Variants in ZBTB46 observed in about 807,000 individuals in gnomAD.
The protein encoded by ZBTB46 is zinc finger and BTB domain-containing protein 46.
A neutral mutation model predicts 44.1 loss-of-function variants in ZBTB46; 8 were observed. The observed-to-expected ratio is 0.18, with a 90% confidence interval of 0.11 to 0.33. The LOEUF is 0.33. Ranked by LOEUF, ZBTB46 falls within the 10% of genes least tolerant of loss-of-function variation. The pLI is 1.00. For missense variants in ZBTB46, 651 were observed against 847.7 expected (o/e 0.77, Z 2.88); for synonymous variants, 409 against 382.3 (o/e 1.07, Z -0.81).
At chr20:63,831,399 CGCCCCGGGCCCCGCCCACGCCGGCCCG>C (rs1310836722), upstream of ZBTB46, among the ~76,000 whole-genome samples, 1 of 142,860 alleles carries the variant, frequency 7.0e-6, no homozygotes, top group Non-Finnish European at 1.6e-5. Context: ...CCGCGGCCAC[CGCCCCGGGCCCCGCCCACGCCGGCCCG>C]GCCGCCGGCC....
rs13045067 is a variant in ZBTB46 at position 63,788,021 on chromosome 20, C to G, written c.937+1800G>C. The G allele has an allele frequency of 8.4e-3, 1,284 of 152,468 alleles. 15 individuals are homozygous for G. The highest frequency in any genetic ancestry group is 0.014 in the Non-Finnish European group (921 of 68,104). The allele number at this position is 152,468 out of a possible 1,614,324, so 9.4% of individuals were successfully genotyped here. A position where few individuals can be genotyped will look rare whatever the true frequency, so the allele number is the denominator to read the frequency against. The stretch of plus-strand genomic sequence containing the variant: ...CCTGCGGCTTGCTGTCTTTCGTCCT[C>G]CTCTGTCCACTCACGCCCTCCCACG... On this transcript the variant is annotated intron_variant, in intron 2 of 4. Transcript: ENST00000245663.
At chr20:63,809,384 C>T (rs6011139) in intron 1 of ZBTB46, among the ~76,000 whole-genome samples, 27,029 of 152,114 alleles carry the variant, frequency 0.18, 2,936 homozygotes, top group East Asian at 0.45. Context: ...CATATTATGC[C>T]CAAGGGAGCA....
rs1461100904 is a variant in ZBTB46 at position 63,793,504 on chromosome 20, G to A, written c.-33-2714C>T. Among the ~76,000 whole-genome samples, 5 of 152,158 alleles carry A rather than the reference G, an allele frequency of 3.3e-5. No homozygotes were observed. The East Asian group carries it at 7.7e-4, about 23-fold the overall frequency. ...GGCTCCGGGCCACGTGATGGGAACC[G>A]TCAAAAGCTCCAGGCACCCTGTATC... On this transcript the variant is annotated intron_variant, in intron 1 of 4. Transcript: ENST00000245663.
At chr20:63,754,072 C>T (rs16983927) in intron 3 of ZBTB46, among the ~76,000 whole-genome samples, 3,689 of 152,314 alleles carry the variant, frequency 0.024, 137 homozygotes, top group African/African-American at 0.084. Flanking sequence ...CTGCCAGGAG[C>T]GCTCATTTTG....
At chr20:63,782,288 C>A (rs553869996) in intron 2 of ZBTB46, among the ~76,000 whole-genome samples, 1 of 151,930 alleles carries the variant, frequency 6.6e-6, no homozygotes, top group African/African-American at 2.4e-5. Flanking sequence ...GGATGAGCCA[C>A]GTGGGCCCTA....
intron 1 of ZBTB46, among the ~76,000 whole-genome samples, chr20:63,812,939 G>A (rs146734453): frequency 2.0e-5 from 3 of 151,726 alleles, no homozygotes; most frequent in African/African-American, 7.3e-5. Flanking sequence ...ACTAAAAATA[G>A]AGAAAAATAT....
chr20:63,832,012 C>T (rs568044320), upstream of ZBTB46, among the ~76,000 whole-genome samples: 1 of 152,092 alleles, frequency 6.6e-6, no homozygotes, highest in East Asian at 2.0e-4. This position sits in a 1 kb window ranked among gnomAD's most constrained non-coding sequence, Gnocchi z 5.0. Context: ...TGGGGGTGCC[C>T]GCCAGTGGGG....
intron 4 of ZBTB46, among the ~76,000 whole-genome samples, chr20:63,749,051 C>T (rs910435949): frequency 3.3e-5 from 5 of 152,370 alleles, no homozygotes; most frequent in African/African-American, 4.8e-5. Flanking sequence ...CTTCTAGACC[C>T]GCTTCCTTGA....
chr20:63,800,584 G>A (rs370869221), intron 1 of ZBTB46, among the ~76,000 whole-genome samples: 77 of 152,362 alleles, frequency 5.1e-4, no homozygotes, highest in East Asian at 3.1e-3. Context: ...GGCGGGAACC[G>A]GGGCTGCGTG....
chr20:63,801,568 A>C (rs563746113), intron 1 of ZBTB46, among the ~76,000 whole-genome samples: 1 of 152,280 alleles, frequency 6.6e-6, no homozygotes, highest in East Asian at 1.9e-4. Flanking sequence ...TCTTTGCAAT[A>C]AATCTTGCTG....
chr20:63,758,983 C>A (rs1240319888), intron 3 of ZBTB46, among the ~76,000 whole-genome samples: 1 of 152,210 alleles, frequency 6.6e-6, no homozygotes, highest in African/African-American at 2.4e-5. Context: ...CCGGCCGCCT[C>A]GGCCTCCCAA....
At chr20:63,830,052 A>C (rs2092839799) in intron 1 of ZBTB46, among the ~76,000 whole-genome samples, 1 of 152,350 alleles carries the variant, frequency 6.6e-6, no homozygotes, top group Non-Finnish European at 1.5e-5. Flanking sequence ...TGCAGCACGG[A>C]AAGCGAGAGA....
chr20:63,806,860 G>A (rs1289961749), intron 1 of ZBTB46, among the ~76,000 whole-genome samples: 1 of 150,408 alleles, frequency 6.6e-6, no homozygotes, highest in Non-Finnish European at 1.5e-5. Context: ...TCGGCTCACT[G>A]CAAGCTCCGC....
chr20:63,813,529 C>T (rs2092730012), intron 1 of ZBTB46, among the ~76,000 whole-genome samples: 1 of 152,144 alleles, frequency 6.6e-6, no homozygotes, highest in Admixed American at 6.6e-5. Flanking sequence ...ACCAGAGTAA[C>T]TGCTCCCCTG....
In ZBTB46 at chr20:63,831,088, G is replaced by C. The variant is rs2092848676; in HGVS notation, c.-34+9C>G. ...CCGGCCGCGCGGACAATGAGCCGGC[G>C]CCGCTTACCTGTGACCCCATGGGGC... On this transcript the variant is annotated intron_variant, in intron 1 of 4. Transcript: ENST00000245663. The C allele has an allele frequency of 7.1e-6, 1 of 140,494 alleles. No individual in the cohort carries two copies. Among genetic ancestry groups the C allele is most frequent in the South Asian group, 2.2e-4 (1 of 4,580 alleles). 8.7% of individuals were successfully genotyped at this position (140,494 alleles called of 1,614,324 possible). A position where few individuals can be genotyped will look rare whatever the true frequency, so the allele number is the denominator to read the frequency against.
At chr20:63,795,639 C>T (rs112318613) in intron 1 of ZBTB46, among the ~76,000 whole-genome samples, 1,760 of 152,330 alleles carry the variant, frequency 0.012, 16 homozygotes, top group Non-Finnish European at 0.019. Flanking sequence ...GTCCAAAGCC[C>T]GGGTGCTCCC....
At chr20:63,796,997 C>T (rs2092608641) in intron 1 of ZBTB46, among the ~76,000 whole-genome samples, 1 of 152,010 alleles carries the variant, frequency 6.6e-6, no homozygotes, top group Non-Finnish European at 1.5e-5. Flanking sequence ...TGGTGAAACC[C>T]GGTTTTTGTT....
At chr20:63,800,696 G>A (rs1362245918) in intron 1 of ZBTB46, among the ~76,000 whole-genome samples, 2 of 152,240 alleles carry the variant, frequency 1.3e-5, no homozygotes, top group East Asian at 3.8e-4. Flanking sequence ...CGGGCCAGCA[G>A]CTGCGGAGGG....
intron 1 of ZBTB46, among the ~76,000 whole-genome samples, chr20:63,815,518 G>A (rs1367641028): frequency 8.1e-5 from 12 of 148,804 alleles, no homozygotes; most frequent in African/African-American, 3.0e-4. Flanking sequence ...GTGAGTGCAG[G>A]TGCAGGTGGG....
Sources: gnomAD v4.1 joint callset for allele counts (sites outside exome capture counted in the v4.1 genomes callset) on GRCh38, gnomAD v4.1.1 for gene constraint, Gnocchi (gnomAD v3.1) non-coding constraint, MANE v1.5 for transcripts, NCBI Gene and HGNC (gene_info 2026-07-23, HGNC 2026-07-21) for gene names.